Variants in RANBP3L observed in about 807,000 individuals in gnomAD.
RANBP3L encodes RAN binding protein 3 like.
A neutral mutation model predicts 67.2 loss-of-function variants in RANBP3L; 56 were observed. The observed-to-expected ratio is 0.83, with a 90% CI of 0.67 to 1.04. The LOEUF (loss-of-function observed/expected upper bound fraction) is 1.04, where lower values mean the gene tolerates loss of function less well. Ranked by LOEUF, RANBP3L falls within the 50% of genes least tolerant of loss-of-function variation. The pLI is 0.00. For synonymous variants in RANBP3L, 164 were observed against 181.4 expected, an observed-to-expected ratio of 0.90 and a Z score of 0.77; for missense variants, 496 against 535.5, an observed-to-expected ratio of 0.93 and a Z score of 0.73.
intron 1 of RANBP3L, among the ~76,000 whole-genome samples, chr5:36,283,987 C>A (rs1410991420): frequency 6.6e-6 from 1 of 151,026 alleles, no homozygotes; most frequent in African/African-American, 2.4e-5. Context: ...CTCCTCACTT[C>A]CTTTTTTTTT....
chr5:36,260,360 C>CAA (rs1276517049), intron 8 of RANBP3L, among the ~76,000 whole-genome samples: 27,317 of 78,650 alleles, frequency 0.35, 4,718 homozygotes, highest in Non-Finnish European at 0.44. Context: ...GACTCTGTCT[C>CAA]AAAAAAAAAA....
chr5:36,295,919 G>A (rs1382050866), intron 1 of RANBP3L, among the ~76,000 whole-genome samples: 1 of 152,052 alleles, frequency 6.6e-6, no homozygotes, highest in Non-Finnish European at 1.5e-5. Flanking sequence ...TTCCTAGGAG[G>A]AGAGAAGAAC....
At chr5:36,262,405 T>G (rs1023935736) in intron 6 of RANBP3L, among the ~76,000 whole-genome samples, 1 of 152,190 alleles carries the variant, frequency 6.6e-6, no homozygotes, top group Non-Finnish European at 1.5e-5. Flanking sequence ...GTAAAGCTCT[T>G]TTCAGGACTA....
chr5:36,263,812 C>A (rs183817747), intron 6 of RANBP3L, among the ~76,000 whole-genome samples: 1 of 152,064 alleles, frequency 6.6e-6, no homozygotes, highest in East Asian at 1.9e-4. Flanking sequence ...AAAGAGTGAG[C>A]CACCACGCCT....
chr5:36,299,271 C>T (rs1752448188), intron 1 of RANBP3L, among the ~76,000 whole-genome samples: 1 of 151,536 alleles, frequency 6.6e-6, no homozygotes, highest in African/African-American at 2.4e-5. Flanking sequence ...ATAAACTCAT[C>T]TTTATATACA....
At chr5:36,262,068 AG>A (rs1209659760) in intron 6 of RANBP3L, 26 bp from the exon 7 acceptor site, 1 of 1,172,222 alleles carries the variant, frequency 8.5e-7, no homozygotes, top group Admixed American at 1.7e-5. Context: ...TCCATCAAAA[AG>A]TTTATAAAGA....
At chr5:36,271,869 C>T (rs1246325503) in intron 1 of RANBP3L, among the ~76,000 whole-genome samples, 1 of 152,102 alleles carries the variant, frequency 6.6e-6, no homozygotes, top group African/African-American at 2.4e-5. Context: ...TTGTCTTCAA[C>T]CTTGCCAGCC....
chr5:36,260,842 AT>A lies in RANBP3L; in HGVS notation c.606del (p.Lys202AsnfsTer18). On this transcript the variant is annotated frameshift_variant, in exon 8 of 14. Transcript: ENST00000296604. LOFTEE classifies it high-confidence loss of function. ...TTGGAACTGCAGCTTTTAAAAGAACATTTATCTTCATTTGGTTGACATCTAA... is the reference window on the plus strand; with the variant it reads ...TTGGAACTGCAGCTTTTAAAAGAACATTATCTTCATTTGGTTGACATCTAA... ...TSVGCQPNED[K>X]CSFKSCSSNF... is the part of the protein sequence containing the mutation. 1 of 1,510,140 alleles carries A rather than the reference AT, an allele frequency of 6.6e-7. No individual in the cohort carries two copies. Among genetic ancestry groups the A allele is most frequent in the Non-Finnish European group, 9.2e-7 (1 of 1,092,318 alleles). The allele number at this position is 1,510,140 out of a possible 1,614,324, so 93.5% of individuals were successfully genotyped here. A position where few individuals can be genotyped will look rare whatever the true frequency, so the allele number is the denominator to read the frequency against.
At chr5:36,268,264 G>T in intron 4 of RANBP3L, 2 of 1,531,470 alleles carry the variant, frequency 1.3e-6, no homozygotes, top group South Asian at 1.2e-5. Context: ...AGACAAGGTT[G>T]ACACTAAAAG....
chr5:36,251,622 G>T lies in RANBP3L; in HGVS notation c.1168-123C>A. On this transcript the variant is annotated intron_variant, in intron 12 of 13. Transcript: ENST00000296604. The stretch of plus-strand genomic sequence containing the variant: ...TGGCATAAATCTACAGTGTACATAG[G>T]TGCTAACAACCCTAAAAATTAAGCA... 3 of 616,260 alleles carry T rather than the reference G, an allele frequency of 4.9e-6. No homozygotes were observed. The African/African-American group carries it at 5.7e-5, about 12-fold the overall frequency. 38.2% of individuals were successfully genotyped at this position (616,260 alleles called of 1,614,324 possible).
At position 36,246,972 on chromosome 5, in the gene RANBP3L, TACTA is replaced by T. The variant is rs1344364016; in HGVS notation, c.*2678_*2681del. On this transcript the variant is annotated 3_prime_UTR_variant, in exon 14 of 14. Transcript: ENST00000296604. The stretch of plus-strand genomic sequence containing the variant: ...TAGGGTAAACAGTTGGGTAAAATCT[TACTA>T]AAAGAAAGTTAAGGTTGTCTTAACA... Among the ~76,000 whole-genome samples, 1 of 152,190 alleles carries T rather than the reference TACTA, an allele frequency of 6.6e-6. No individual in the cohort carries two copies. Among genetic ancestry groups the T allele is most frequent in the Non-Finnish European group, 1.5e-5 (1 of 68,038 alleles).
At chr5:36,265,198 T>A in intron 5 of RANBP3L, 100 bp from the exon 6 acceptor site, 2 of 798,674 alleles carry the variant, frequency 2.5e-6, no homozygotes, top group Non-Finnish European at 3.7e-6. Context: ...AAGTCATGTT[T>A]AAATGAGGGA....
chr5:36,296,924 C>G (rs1043981413), intron 1 of RANBP3L, among the ~76,000 whole-genome samples: 2 of 150,418 alleles, frequency 1.3e-5, no homozygotes, highest in Non-Finnish European at 2.9e-5. Context: ...GGGTCTGCAG[C>G]CTGTCAGTCT....
At chr5:36,267,468 A>T (rs1243830348) in intron 4 of RANBP3L, among the ~76,000 whole-genome samples, 3 of 151,840 alleles carry the variant, frequency 2.0e-5, no homozygotes, top group Non-Finnish European at 2.9e-5. Flanking sequence ...AGATCACGCC[A>T]TTGCACTCTA....
chr5:36,301,521 T>C lies in RANBP3L; in HGVS notation c.-105A>G. On this transcript the variant is annotated 5_prime_UTR_variant, in exon 1 of 14. It removes an upstream start codon present in the reference 5' UTR. Transcript: ENST00000296604. ...AGACACCCAGAAATACATAGATTCA[T>C]GCAGATCTTGTCTTTGCATGTACAA... 1 of 764,072 alleles carries C rather than the reference T, an allele frequency of 1.3e-6. No individual in the cohort carries two copies. Among genetic ancestry groups the C allele is most frequent in the East Asian group, 2.5e-5 (1 of 40,332 alleles). 47.3% of individuals were successfully genotyped at this position (764,072 alleles called of 1,614,324 possible). A position where few individuals can be genotyped will look rare whatever the true frequency, so the allele number is the denominator to read the frequency against.
chr5:36,279,040 A>G (rs1005858214), intron 1 of RANBP3L, among the ~76,000 whole-genome samples: 1 of 152,190 alleles, frequency 6.6e-6, no homozygotes, highest in African/African-American at 2.4e-5. Flanking sequence ...AAACATCTGA[A>G]GTTTCAAATG....
chr5:36,294,877 T>C (rs867660167), intron 1 of RANBP3L, among the ~76,000 whole-genome samples: 24 of 148,432 alleles, frequency 1.6e-4, no homozygotes, highest in African/African-American at 5.6e-4. Flanking sequence ...ATATAGTGTA[T>C]ATATACACTA....
chr5:36,275,432 A>T (rs144926473), intron 1 of RANBP3L, among the ~76,000 whole-genome samples: 1,593 of 152,270 alleles, frequency 0.01, 29 homozygotes, highest in African/African-American at 0.036. Flanking sequence ...GTATTATCCT[A>T]TATGGCTCTA....
rs768609500 is a variant in RANBP3L, at chr5:36,260,832, T to G, written c.617A>C (p.Lys206Thr). The change falls in exon 8 of 14, where the codon AAA becomes ACA. Residue 206 changes from lysine (K) to threonine (T), a missense_variant. Coordinates refer to ENST00000296604, the MANE Select transcript of RANBP3L (RefSeq NM_145000.5). ...AAAAACAAAATTGGAACTGCAGCTT[T>G]TAAAAGAACATTTATCTTCATTTGG... ...CQPNEDKCSF[K>T]SCSSNFVFGE... The G allele has an allele frequency of 3.2e-6, 5 of 1,551,578 alleles. No homozygotes were observed. Among genetic ancestry groups the G allele is most frequent in the Non-Finnish European group, 3.5e-6 (4 of 1,129,394 alleles).
Sources: gnomAD v4.1 joint callset for allele counts (sites outside exome capture counted in the v4.1 genomes callset) on GRCh38, gnomAD v4.1.1 for gene constraint, MANE v1.5 for transcripts, NCBI Gene and HGNC (gene_info 2026-07-23, HGNC 2026-07-21) for gene names.